FRMPD4: variants seen among roughly 807,000 people sequenced by gnomAD.
The protein encoded by FRMPD4 is FERM and PDZ domain containing 4.
FRMPD4 carries 22 observed loss-of-function variants against 94.1 expected under a neutral mutation model. That is an observed-to-expected ratio of 0.23 (90% CI 0.17 to 0.33). The LOEUF (loss-of-function observed/expected upper bound fraction) is 0.33. FRMPD4 is among the 10% of genes least tolerant of loss of function. The pLI is 1.00. For synonymous variants in FRMPD4, 631 were observed against 548.6 expected, an observed-to-expected ratio of 1.15 and a Z score of -2.10; for missense variants, 1,111 against 1,339.9, an observed-to-expected ratio of 0.83 and a Z score of 2.67.
rs762692077 is a variant in FRMPD4 at position 12,192,074 on chromosome X, A to G, written c.41+53062A>G. ...AGTCCATTAAAAGTTAAACTAAAAC[A>G]ATTAAATGAGTATGTATTAACTCTT... On this transcript the variant is annotated intron_variant, in intron 1 of 16. Transcript: ENST00000675598. Among the ~76,000 whole-genome samples the G allele has an allele frequency of 6.2e-5, 7 of 112,167 alleles. No homozygotes were observed. In the East Asian group the frequency reaches 2.0e-3, roughly 32 times the overall value.
chrX:11,907,159 T>A (rs2053972373), intron 3 of FRMPD4, among the ~76,000 whole-genome samples: 1 of 111,351 alleles, frequency 9.0e-6, no homozygotes, highest in South Asian at 3.7e-4. Context: ...TCTTAAGTTA[T>A]TGTGATCGTA....
chrX:12,695,255 C>T (rs2060116373), intron 9 of FRMPD4, among the ~76,000 whole-genome samples: 1 of 111,882 alleles, frequency 8.9e-6, no homozygotes, highest in Non-Finnish European at 1.9e-5. Flanking sequence ...CATCAAGAGG[C>T]ACATGATGTC....
chrX:12,381,568 G>A (rs187080093), intron 1 of FRMPD4, among the ~76,000 whole-genome samples: 9 of 111,906 alleles, frequency 8.0e-5, no homozygotes, highest in East Asian at 5.6e-4. Context: ...ATGATTTCAC[G>A]TACATACAGT....
At chrX:12,511,032 T>C (rs2058036938) in intron 2 of FRMPD4, among the ~76,000 whole-genome samples, 2 of 112,169 alleles carry the variant, frequency 1.8e-5, no homozygotes, top group South Asian at 7.4e-4. Context: ...TCTTAGGAAA[T>C]TGGAGATGTT....
chrX:12,362,428 T>C (rs939836947), intron 1 of FRMPD4, among the ~76,000 whole-genome samples: 8 of 110,874 alleles, frequency 7.2e-5, no homozygotes, highest in Non-Finnish European at 1.1e-4. Flanking sequence ...CATTGTTCAA[T>C]TCCCACCTAT....
At chrX:12,372,323 C>T (rs1868795320) in intron 1 of FRMPD4, among the ~76,000 whole-genome samples, 1 of 113,192 alleles carries the variant, frequency 8.8e-6, no homozygotes, top group Admixed American at 9.3e-5. Context: ...ACAAAAGCAT[C>T]GCCTGAGAAT....
intron 2 of FRMPD4, among the ~76,000 whole-genome samples, chrX:12,570,994 C>T (rs181240240): frequency 1.8e-5 from 2 of 112,158 alleles, no homozygotes; most frequent in East Asian, 5.6e-4. Context: ...CCTCAGAAAG[C>T]GAAACAGTGC....
chrX:11,906,388 C>T (rs2053968132), intron 3 of FRMPD4, among the ~76,000 whole-genome samples: 1 of 110,783 alleles, frequency 9.0e-6, no homozygotes, highest in Non-Finnish European at 1.9e-5. Flanking sequence ...ACCTTGTGAT[C>T]TGCCTGCCTT....
intron 2 of FRMPD4, among the ~76,000 whole-genome samples, chrX:12,534,165 G>A (rs6641033): frequency 0.22 from 25,098 of 112,366 alleles, 1,961 homozygotes; most frequent in Admixed American, 0.26. Flanking sequence ...GCTTCAGAGG[G>A]TACAAGCCTC....
intron 3 of FRMPD4, among the ~76,000 whole-genome samples, chrX:11,890,950 G>T (rs1229984352): frequency 8.9e-6 from 1 of 112,712 alleles, no homozygotes; most frequent in East Asian, 2.8e-4. Flanking sequence ...AGATGGTGCA[G>T]GCCTGCTCTG....
chrX:12,082,392 G>C (rs1022483307), intron 3 of FRMPD4, among the ~76,000 whole-genome samples: 3 of 111,973 alleles, frequency 2.7e-5, no homozygotes, highest in Admixed American at 1.9e-4. Flanking sequence ...CATGTAAGAA[G>C]TGCCTTTTGC....
chrX:12,463,681 G>GTGTGTTT lies in FRMPD4; in HGVS notation c.42-34998_42-34997insGTGTTTT, dbSNP rs1555969426. 7.8e-5 allele frequency among the ~76,000 whole-genome samples: 4 copies of GTGTGTTT among 51,046 alleles called. 1 individual carries two copies. The highest frequency in any genetic ancestry group is 3.5e-4 in the African/African-American group (4 of 11,593). 44.3% of individuals were successfully genotyped at this position (51,046 alleles called of 115,157 possible). On this transcript the variant is annotated intron_variant, in intron 1 of 16. Coordinates refer to ENST00000675598, the MANE Select transcript of FRMPD4 (RefSeq NM_001368397.1). Reference sequence around the variant, plus strand: ...GGGTGCCTGTGCCTCCTATGTGTGTGTTTTTTTTTTGTTTTTGTTTTTTTT... The same window carrying GTGTGTTT: ...GGGTGCCTGTGCCTCCTATGTGTGTGTGTGTTTTTTTTTTTTTGTTTTTGTTTTTTTT...
At chrX:12,460,422 T>G (rs997289112) in intron 1 of FRMPD4, among the ~76,000 whole-genome samples, 4 of 112,214 alleles carry the variant, frequency 3.6e-5, no homozygotes, top group African/African-American at 1.3e-4. Flanking sequence ...TGATCCATTT[T>G]AGGTTAATTT....
chrX:12,408,779 C>T (rs1035239569), intron 1 of FRMPD4, among the ~76,000 whole-genome samples: 1 of 111,944 alleles, frequency 8.9e-6, no homozygotes, highest in African/African-American at 3.2e-5. Context: ...ATTCAAGGAA[C>T]AGATGTATCA....
At chrX:12,335,838 A>T (rs758765988) in intron 1 of FRMPD4, among the ~76,000 whole-genome samples, 1 of 112,438 alleles carries the variant, frequency 8.9e-6, no homozygotes, top group Non-Finnish European at 1.9e-5. Context: ...AGGAACTGCT[A>T]TCCGCTTAGA....
intron 2 of FRMPD4, among the ~76,000 whole-genome samples, chrX:12,553,347 T>C (rs1487237062): frequency 9.5e-6 from 1 of 104,718 alleles, no homozygotes; most frequent in Non-Finnish European, 1.9e-5. Flanking sequence ...CTGCAGAGAA[T>C]AGCAATGTAC....
intron 1 of FRMPD4, among the ~76,000 whole-genome samples, chrX:12,165,714 CTT>C (rs1295498156): frequency 9.0e-6 from 1 of 111,212 alleles, no homozygotes; most frequent in Non-Finnish European, 1.9e-5. Context: ...TTTGTATCCT[CTT>C]TTATTTCCTT....
intron 3 of FRMPD4, among the ~76,000 whole-genome samples, chrX:11,976,809 G>A (rs1464655248): frequency 1.8e-5 from 2 of 111,960 alleles, no homozygotes; most frequent in Admixed American, 1.9e-4. Context: ...AAATGGCTGT[G>A]ATTCAGCAGC....
intron 1 of FRMPD4, among the ~76,000 whole-genome samples, chrX:12,176,056 G>A (rs560473233): frequency 7.1e-5 from 8 of 111,981 alleles, no homozygotes; most frequent in African/African-American, 2.3e-4. Context: ...TAAATACTCC[G>A]TCACCAATTT....
Sources: allele counts gnomAD v4.1 joint callset (sites outside exome capture counted in the v4.1 genomes callset), GRCh38; gene constraint gnomAD v4.1.1; transcripts MANE v1.5; gene names NCBI Gene and HGNC (gene_info 2026-07-23, HGNC 2026-07-21).